Variants in MYO16 observed in about 807,000 individuals in gnomAD.
MYO16 encodes unconventional myosin-XVI.
Under a neutral mutation model 205.3 loss-of-function variants are expected in MYO16, and 94 were observed. The observed-to-expected ratio is 0.46, with a 90% CI of 0.39 to 0.54. MYO16 has a LOEUF of 0.54. MYO16 is among the 20% of genes least tolerant of loss of function. The pLI, the probability that MYO16 is intolerant of heterozygous loss-of-function variation, is 0.00. For missense variants in MYO16, 2,315 were observed against 2,387.5 expected (o/e 0.97, Z 0.63); for synonymous variants, 988 against 954.0 (o/e 1.04, Z -0.66).
At position 108,966,614 on chromosome 13, in the gene MYO16, A is replaced by G. The variant is rs566846529; in HGVS notation, c.2369+1712A>G. ...ACTTATTACTAAGCATATGAATGAG[A>G]ATAGAGATTAATGGGAAATTAGAGG... On this transcript the variant is annotated intron_variant, in intron 20 of 34. Coordinates refer to ENST00000457511, the MANE Select transcript of MYO16 (RefSeq NM_001198950.3). 3.2e-3 allele frequency among the ~76,000 whole-genome samples: 481 copies of G among 152,288 alleles called. 3 individuals are homozygous for G. Among genetic ancestry groups the G allele is most frequent in the Middle Eastern group, 0.014 (4 of 294 alleles).
Position 108,992,409 on chromosome 13 carries a change from T to C in MYO16, c.2403T>C (p.Ile801=). The C allele has an allele frequency of 3.1e-6, 5 of 1,609,792 alleles. No individual in the cohort carries two copies. Among genetic ancestry groups the C allele is most frequent in the Non-Finnish European group, 4.2e-6 (5 of 1,176,702 alleles). Residue 801 remains isoleucine (I), a synonymous_variant, in exon 21 of 35, where the codon ATT becomes ATC. Coordinates refer to ENST00000457511, the MANE Select transcript of MYO16 (RefSeq NM_001198950.3). ...CATTGGATATTGGAATATTGGACATTTTTGGTTTTGAAGAGTTTCAAAAGA... is the reference window on the plus strand; with the variant it reads ...CATTGGATATTGGAATATTGGACATCTTTGGTTTTGAAGAGTTTCAAAAGA... The part of the protein sequence containing the change: ...MQTLDIGILD[I]FGFEEFQKNE...
chr13:108,716,572 G>T (rs1314292957), intron 3 of MYO16, among the ~76,000 whole-genome samples: 1 of 152,094 alleles, frequency 6.6e-6, no homozygotes, highest in Non-Finnish European at 1.5e-5. Context: ...GAAATTACAG[G>T]GTTTCAAAAT....
At chr13:108,922,104 G>A (rs567454599) in intron 16 of MYO16, among the ~76,000 whole-genome samples, 1 of 152,316 alleles carries the variant, frequency 6.6e-6, no homozygotes, top group South Asian at 2.1e-4. Context: ...CCAGAGCTGT[G>A]TCCACCCTCT....
chr13:109,013,009 C>A (rs1024243987), intron 22 of MYO16, among the ~76,000 whole-genome samples: 2 of 150,934 alleles, frequency 1.3e-5, no homozygotes, highest in African/African-American at 2.4e-5. Context: ...TACATGTGCA[C>A]AACATGCAGG....
chr13:108,732,213 C>A (rs1884545879), intron 4 of MYO16, among the ~76,000 whole-genome samples: 1 of 152,154 alleles, frequency 6.6e-6, no homozygotes, highest in South Asian at 2.1e-4. Context: ...AGAGACTGTG[C>A]AGCATTGATT....
At chr13:108,790,483 A>AT (rs1321372637) in intron 5 of MYO16, among the ~76,000 whole-genome samples, 2 of 152,190 alleles carry the variant, frequency 1.3e-5, no homozygotes, top group African/African-American at 4.8e-5. Flanking sequence ...CCTTCCATTA[A>AT]TTTGTTTTCA....
At chr13:109,089,534 T>C (rs184556803) in intron 27 of MYO16, among the ~76,000 whole-genome samples, 1 of 152,124 alleles carries the variant, frequency 6.6e-6, no homozygotes. Context: ...ATTACTAATA[T>C]GCTTCATTTG....
chr13:108,698,659 A>G (rs1883181275), intron 2 of MYO16, among the ~76,000 whole-genome samples: 1 of 152,200 alleles, frequency 6.6e-6, no homozygotes, highest in Non-Finnish European at 1.5e-5. Flanking sequence ...ACATGTTTGA[A>G]TGGAAAGGAG....
At position 109,141,080 on chromosome 13, in the gene MYO16, C is replaced by A. The variant is rs758702351; in HGVS notation, c.4868C>A (p.Pro1623Gln). 2 of 1,464,560 alleles carry A rather than the reference C, an allele frequency of 1.4e-6. No homozygotes were observed. The highest frequency in any genetic ancestry group is 2.8e-5 in the East Asian group (1 of 35,402). The allele number at this position is 1,464,560 out of a possible 1,614,324, so 90.7% of individuals were successfully genotyped here. A position where few individuals can be genotyped will look rare whatever the true frequency, so the allele number is the denominator to read the frequency against. ...TTGGCCTTCCCGCCGGAGCCCGCCC[C>A]GGTGAACGCGGGGAAAGCGGGGCCG... is the stretch of plus-strand genomic sequence containing the variant. Reference protein sequence around the residue: ...AHLAFPPEPAPVNAGKAGPSA... With the variant: ...AHLAFPPEPAQVNAGKAGPSA... Residue 1623 changes from proline to glutamine, a missense_variant, in exon 32 of 35, where the codon CCG becomes CAG. Coordinates refer to ENST00000457511, the MANE Select transcript of MYO16 (RefSeq NM_001198950.3). This position sits in a 1 kb window ranked among gnomAD's most constrained non-coding sequence, Gnocchi z 4.1.
At chr13:108,564,954 T>A in the MYO16 span, among the ~76,000 whole-genome samples, 12 of 152,190 alleles carry the variant, frequency 7.9e-5, no homozygotes, top group Non-Finnish European at 1.8e-4. Flanking sequence ...GAAAATGAGT[T>A]CACTCTAGGT....
rs1013653 is a variant in MYO16, at chr13:108,665,270, T to A, written c.29-616T>A. 4.9e-3 allele frequency among the ~76,000 whole-genome samples: 741 copies of A among 152,020 alleles called. 2 individuals are homozygous for A. Among genetic ancestry groups the A allele is most frequent in the Non-Finnish European group, 8.6e-3 (584 of 67,962 alleles). On this transcript the variant is annotated intron_variant, in intron 1 of 34. Transcript: ENST00000457511. ...AGCTATCTTAAAAGTTTATTTATTA[T>A]TTATTTATTTATTTATTTTTGGAGA...
chr13:108,591,095 C>T, the MYO16 span, among the ~76,000 whole-genome samples: 1 of 152,276 alleles, frequency 6.6e-6, no homozygotes, highest in African/African-American at 2.4e-5. Flanking sequence ...TCTGTAGGCC[C>T]TTGTGGTCCC....
intron 5 of MYO16, among the ~76,000 whole-genome samples, chr13:108,789,238 G>A (rs1886545519): frequency 6.6e-6 from 1 of 152,036 alleles, no homozygotes; most frequent in Non-Finnish European, 1.5e-5. Flanking sequence ...ATATCGTCAT[G>A]TCTGATTGTT....
upstream of MYO16, among the ~76,000 whole-genome samples, chr13:108,625,478 A>T (rs1879699218): frequency 6.6e-6 from 1 of 152,216 alleles, no homozygotes; most frequent in African/African-American, 2.4e-5. Flanking sequence ...TGTAGGCTTC[A>T]GCCTCAAAGG....
intron 30 of MYO16, among the ~76,000 whole-genome samples, chr13:109,126,701 G>A (rs1458590997): frequency 6.6e-6 from 1 of 152,188 alleles, no homozygotes; most frequent in Non-Finnish European, 1.5e-5. Context: ...GAGTCAAGGA[G>A]GAGAAATAAT....
intron 4 of MYO16, among the ~76,000 whole-genome samples, chr13:108,773,169 A>C (rs2391691): frequency 6.6e-6 from 1 of 151,928 alleles, no homozygotes; most frequent in Non-Finnish European, 1.5e-5. Context: ...TCATGACTTG[A>C]CCATCTTCCA....
At chr13:108,582,048 T>C in the MYO16 span, among the ~76,000 whole-genome samples, 83 of 152,162 alleles carry the variant, frequency 5.5e-4, no homozygotes, top group Non-Finnish European at 8.2e-4. Context: ...TTTAGGTACA[T>C]TCAATAATGT....
intron 9 of MYO16, among the ~76,000 whole-genome samples, chr13:108,826,722 T>A (rs1224846777): frequency 6.6e-6 from 1 of 152,136 alleles, no homozygotes; most frequent in Non-Finnish European, 1.5e-5. Context: ...GGCAATGCAT[T>A]TGGATATATG....
intron 32 of MYO16, among the ~76,000 whole-genome samples, chr13:109,149,622 CAT>C (rs977152598): frequency 4.6e-4 from 70 of 152,304 alleles, no homozygotes; most frequent in African/African-American, 1.7e-3. Context: ...GCCAGGAAAA[CAT>C]GTGGGAGGCG....
Sources: gnomAD v4.1 joint callset for allele counts (sites outside exome capture counted in the v4.1 genomes callset) on GRCh38, gnomAD v4.1.1 for gene constraint, Gnocchi (gnomAD v3.1) non-coding constraint, MANE v1.5 for transcripts, NCBI Gene and HGNC (gene_info 2026-07-23, HGNC 2026-07-21) for gene names.